Variants in PCDH9 observed in about 807,000 individuals in gnomAD.
PCDH9 encodes protocadherin-9.
PCDH9 carries 24 observed loss-of-function variants against 70.6 expected under a neutral mutation model. The ratio of observed to expected loss-of-function variants is 0.34; its 90% CI spans 0.25 to 0.48. PCDH9 has a LOEUF of 0.48. PCDH9 is among the 20% of genes least tolerant of loss of function. PCDH9 has a pLI of 0.99. For synonymous variants in PCDH9, 562 were observed against 558.5 expected (o/e 1.01, Z -0.09); for missense variants, 1,281 against 1,503.6 (o/e 0.85, Z 2.45).
At chr13:67,011,930 G>C (rs950110384) in intron 2 of PCDH9, among the ~76,000 whole-genome samples, 1 of 151,814 alleles carries the variant, frequency 6.6e-6, no homozygotes, top group African/African-American at 2.4e-5. Context: ...AGCAAAAACA[G>C]CACTCTTCTT....
At chr13:66,322,192 G>A (rs1269600357) in intron 4 of PCDH9, among the ~76,000 whole-genome samples, 1 of 151,796 alleles carries the variant, frequency 6.6e-6, no homozygotes, top group Non-Finnish European at 1.5e-5. Context: ...AATACATTCT[G>A]GGTTCAGAGT....
chr13:66,847,410 A>T (rs2081230711), intron 3 of PCDH9, among the ~76,000 whole-genome samples: 1 of 152,168 alleles, frequency 6.6e-6, no homozygotes, highest in African/African-American at 2.4e-5. Flanking sequence ...CTGAAACTGC[A>T]GGGGTTTTTT....
chr13:66,345,886 G>A (rs1956205167), intron 4 of PCDH9, among the ~76,000 whole-genome samples: 1 of 152,090 alleles, frequency 6.6e-6, no homozygotes, highest in Non-Finnish European at 1.5e-5. Context: ...CCCTGTTTGA[G>A]GAAAAGACCC....
intron 4 of PCDH9, among the ~76,000 whole-genome samples, chr13:66,552,294 T>C (rs9540813): frequency 0.26 from 39,364 of 152,020 alleles, 5,331 homozygotes; most frequent in South Asian, 0.34. Flanking sequence ...GCTTTAGTGT[T>C]TAGTTCAGTG....
At chr13:66,529,035 C>A (rs1960329172) in intron 4 of PCDH9, among the ~76,000 whole-genome samples, 1 of 152,014 alleles carries the variant, frequency 6.6e-6, no homozygotes, top group Admixed American at 6.6e-5. Context: ...CACACTGTAC[C>A]TCCTTTAATC....
rs555194428 is a variant in PCDH9 at position 66,880,872 on chromosome 13, T to C, written c.3138+22632A>G. On this transcript the variant is annotated intron_variant, in intron 3 of 4. Transcript: ENST00000377865. ...ATTGCTAGAAAATTTCTGATAATAT[T>C]GAGTGTGATGTTGTGGTAACAATTG... 3.9e-5 allele frequency among the ~76,000 whole-genome samples: 6 copies of C among 152,356 alleles called. No individual in the cohort carries two copies. In the East Asian group the frequency reaches 1.2e-3, roughly 29 times the overall value.
At chr13:66,608,183 G>A (rs970378539) in intron 4 of PCDH9, among the ~76,000 whole-genome samples, 2 of 150,446 alleles carry the variant, frequency 1.3e-5, no homozygotes, top group Non-Finnish European at 3.0e-5. Flanking sequence ...TGTATATATA[G>A]GTATATACAG....
intron 2 of PCDH9, among the ~76,000 whole-genome samples, chr13:67,028,218 A>C (rs955720421): frequency 1.4e-5 from 2 of 148,094 alleles, no homozygotes; most frequent in Non-Finnish European, 3.0e-5. Flanking sequence ...GCACATATAC[A>C]CCATGGAATA....
In PCDH9 at chr13:66,647,669, T is replaced by A. The variant is rs73497715; in HGVS notation, c.3139-16258A>T. 6.3e-3 allele frequency among the ~76,000 whole-genome samples: 962 copies of A among 151,888 alleles called. 8 individuals carry two copies. The highest frequency in any genetic ancestry group is 0.022 in the African/African-American group (906 of 41,448). ...AGAAAAATCTTTCTGCTTGAGAAGG[T>A]GGGAGAGAAGAGTAAAGGGGGCTTT... On this transcript the variant is annotated intron_variant, in intron 3 of 4. Coordinates refer to ENST00000377865, the MANE Select transcript of PCDH9 (RefSeq NM_203487.3).
intron 3 of PCDH9, among the ~76,000 whole-genome samples, chr13:66,743,543 A>G (rs921189411): frequency 6.6e-6 from 1 of 152,178 alleles, no homozygotes; most frequent in African/African-American, 2.4e-5. Flanking sequence ...CAAAATTTCA[A>G]TTAGACAGGA....
intron 4 of PCDH9, among the ~76,000 whole-genome samples, chr13:66,473,260 C>T (rs1958653554): frequency 6.6e-6 from 1 of 151,880 alleles, no homozygotes; most frequent in South Asian, 2.1e-4. Context: ...AAAGCAAACA[C>T]TTAGAAAACA....
intron 2 of PCDH9, among the ~76,000 whole-genome samples, chr13:66,957,191 A>G (rs1167799306): frequency 6.6e-6 from 1 of 152,218 alleles, no homozygotes; most frequent in African/African-American, 2.4e-5. Flanking sequence ...ATTGACTAAT[A>G]TTGAGACTTC....
At chr13:66,892,863 T>C (rs1376907198) in intron 3 of PCDH9, among the ~76,000 whole-genome samples, 1 of 152,126 alleles carries the variant, frequency 6.6e-6, no homozygotes, top group Non-Finnish European at 1.5e-5. Flanking sequence ...TATGTACACA[T>C]ACAAGCACAC....
intron 3 of PCDH9, among the ~76,000 whole-genome samples, chr13:66,751,213 A>T (rs1379919120): frequency 1.3e-5 from 2 of 151,514 alleles, no homozygotes; most frequent in East Asian, 1.9e-4. Context: ...AATTGATCAA[A>T]TTTTTTTTTT....
At chr13:66,368,158 A>T (rs1443771277) in intron 4 of PCDH9, among the ~76,000 whole-genome samples, 1 of 152,074 alleles carries the variant, frequency 6.6e-6, no homozygotes, top group Non-Finnish European at 1.5e-5. Flanking sequence ...TTAAGGATAA[A>T]AATTAAATTT....
At chr13:66,759,687 GGCTTATAAAAACATTTTATA>G (rs1454453589) in intron 3 of PCDH9, among the ~76,000 whole-genome samples, 7 of 62,784 alleles carry the variant, frequency 1.1e-4, no homozygotes, top group African/African-American at 3.7e-4. Flanking sequence ...GTTACCATGA[GGCTTATAAAAACATTTTATA>G]GCTTATAAAA....
intron 3 of PCDH9, among the ~76,000 whole-genome samples, chr13:66,669,911 G>T (rs930504605): frequency 1.3e-5 from 2 of 152,062 alleles, no homozygotes; most frequent in South Asian, 4.1e-4. Flanking sequence ...AAAAATAAAT[G>T]ATCATATTTG....
intron 4 of PCDH9, among the ~76,000 whole-genome samples, chr13:66,560,121 A>G (rs1961944658): frequency 6.6e-6 from 1 of 152,024 alleles, no homozygotes; most frequent in African/African-American, 2.4e-5. Context: ...CAGAAGAATG[A>G]GCCTTCAACC....
At chr13:67,028,552 A>G (rs1056284602) in intron 2 of PCDH9, among the ~76,000 whole-genome samples, 1 of 150,614 alleles carries the variant, frequency 6.6e-6, no homozygotes, top group Non-Finnish European at 1.5e-5. Context: ...CATGTACCCT[A>G]AAACTTTAAG....
Sources: gnomAD v4.1 joint callset for allele counts (sites outside exome capture counted in the v4.1 genomes callset) on GRCh38, gnomAD v4.1.1 for gene constraint, MANE v1.5 for transcripts, NCBI Gene and HGNC (gene_info 2026-07-23, HGNC 2026-07-21) for gene names.